ATP2C2: variants seen among roughly 807,000 people sequenced by gnomAD.
The protein encoded by ATP2C2 is calcium-transporting ATPase type 2C member 2.
In ATP2C2, 171 loss-of-function variants were observed where a neutral mutation model predicts 110.8. The observed-to-expected ratio is 1.54, with a 90% CI of 1.36 to 1.75. The LOEUF (loss-of-function observed/expected upper bound fraction) is 1.75, where lower values mean the gene tolerates loss of function less well. Ranked by LOEUF, ATP2C2 falls within the 40% of genes most tolerant of loss-of-function variation. The pLI is 0.00. For synonymous variants in ATP2C2, 804 were observed against 508.4 expected, an observed-to-expected ratio of 1.58 and a Z score of -7.82; for missense variants, 1,963 against 1,235.0, an observed-to-expected ratio of 1.59 and a Z score of -8.84.
chr16:84,376,425 C>G (rs1424117683), intron 1 of ATP2C2, among the ~76,000 whole-genome samples: 1 of 152,204 alleles, frequency 6.6e-6, no homozygotes, highest in Non-Finnish European at 1.5e-5. Context: ...GGGATTACTA[C>G]TGGGTGAGTG....
intron 1 of ATP2C2, among the ~76,000 whole-genome samples, chr16:84,378,328 C>T (rs776458282): frequency 3.9e-5 from 6 of 152,144 alleles, no homozygotes; most frequent in South Asian, 4.1e-4. Context: ...GCCCCTCCGT[C>T]GCCGGCCACA....
Position 84,404,062 on chromosome 16 carries a change from C to T in ATP2C2, c.211-1066C>T, listed in dbSNP as rs1035962900. ...AGGTAATGGGGGAAGGGGCGCAGGG[C>T]TTCCATGCCCAATGCTGCTATGAAC... is the stretch of plus-strand genomic sequence containing the variant. On this transcript the variant is annotated intron_variant, in intron 2 of 26. Transcript: ENST00000262429. 3.9e-5 allele frequency among the ~76,000 whole-genome samples: 6 copies of T among 152,330 alleles called. No homozygotes were observed. The East Asian group carries it at 9.7e-4, about 25-fold the overall frequency.
intron 11 of ATP2C2, among the ~76,000 whole-genome samples, chr16:84,437,069 T>G (rs1460894638): frequency 6.6e-6 from 1 of 152,134 alleles, no homozygotes; most frequent in Admixed American, 6.5e-5. Flanking sequence ...GCCTTTTTCT[T>G]TCTTAAACAG....
intron 1 of ATP2C2, among the ~76,000 whole-genome samples, chr16:84,394,321 A>G (rs144067614): frequency 3.9e-5 from 6 of 152,258 alleles, no homozygotes; most frequent in Non-Finnish European, 7.3e-5. Context: ...GTTCTGAAAC[A>G]TTTGAAAGAA....
intron 15 of ATP2C2, among the ~76,000 whole-genome samples, chr16:84,443,874 C>A (rs189472243): frequency 3.2e-4 from 49 of 152,240 alleles, no homozygotes; most frequent in Admixed American, 3.2e-3. Context: ...AGTGTAAGAA[C>A]ATTGGAAAGT....
At chr16:84,394,374 A>C (rs939866300) in intron 1 of ATP2C2, among the ~76,000 whole-genome samples, 1 of 151,948 alleles carries the variant, frequency 6.6e-6, no homozygotes, top group Admixed American at 6.6e-5. Flanking sequence ...CCCCTTCCCC[A>C]GTCCCAGTCT....
chr16:84,424,588 T>TG (rs1197918904), intron 10 of ATP2C2, among the ~76,000 whole-genome samples: 1 of 147,984 alleles, frequency 6.8e-6, no homozygotes, highest in Non-Finnish European at 1.5e-5. Context: ...TTTTTTTTTT[T>TG]TTTTTTTTTT....
Position 84,439,291 on chromosome 16 carries a change from G to A in ATP2C2, c.1111+1G>A. Reference sequence around the variant, plus strand: ...AAGTTACCCATCGTGGAGACTTTAGGTGAGGGACTCCAGCTGGTGGAATCC... The same window carrying A: ...AAGTTACCCATCGTGGAGACTTTAGATGAGGGACTCCAGCTGGTGGAATCC... On this transcript the variant is annotated splice_donor_variant, in intron 12 of 26. Coordinates refer to ENST00000262429, the MANE Select transcript of ATP2C2 (RefSeq NM_014861.4). LOFTEE classifies it high-confidence loss of function. The A allele has an allele frequency of 1.9e-6, 3 of 1,613,140 alleles. No individual in the cohort carries two copies. Among genetic ancestry groups the A allele is most frequent in the Non-Finnish European group, 2.5e-6 (3 of 1,180,032 alleles).
At chr16:84,398,649 G>A (rs569268651) in intron 2 of ATP2C2, 40 bp downstream of exon 2, 1 of 1,501,520 alleles carries the variant, frequency 6.7e-7, no homozygotes, top group South Asian at 1.2e-5. Flanking sequence ...TTGTGATAAG[G>A]TTTTATGTTT....
chr16:84,458,868 G>A (rs1249089054), intron 21 of ATP2C2, among the ~76,000 whole-genome samples: 2 of 152,316 alleles, frequency 1.3e-5, no homozygotes, highest in East Asian at 3.9e-4. Flanking sequence ...CTGATTGGAG[G>A]CATCAGGTGT....
intron 20 of ATP2C2, 152 bp from the exon 21 acceptor site, chr16:84,454,666 C>A: frequency 1.3e-6 from 1 of 782,364 alleles, no homozygotes; most frequent in Non-Finnish European, 1.9e-6. Context: ...AAGGGCTCGC[C>A]CAATTCCCAC....
At chr16:84,404,405 T>C (rs557848154) in intron 2 of ATP2C2, 15 of 156,992 alleles carry the variant, frequency 9.6e-5, no homozygotes, top group Non-Finnish European at 1.7e-4. Flanking sequence ...TGAATTTGAC[T>C]AGTCTATGTA....
intron 6 of ATP2C2, among the ~76,000 whole-genome samples, chr16:84,411,725 A>G (rs1261357229): frequency 6.6e-6 from 1 of 152,192 alleles, no homozygotes; most frequent in Non-Finnish European, 1.5e-5. Context: ...TACAGGTGTG[A>G]GCCACCGTGC....
In ATP2C2 at chr16:84,461,601, G is replaced by C. The variant is rs540084916; in HGVS notation, c.2482-113G>C. ...AGCTGTGTGACCGATTCATGAGCTT[G>C]TAAGTGGCTCCCAGCCATGCCCCAG... On this transcript the variant is annotated intron_variant, in intron 24 of 26. Coordinates refer to ENST00000262429, the MANE Select transcript of ATP2C2 (RefSeq NM_014861.4). 11 of 924,178 alleles carry C rather than the reference G, an allele frequency of 1.2e-5. No individual in the cohort carries two copies. The South Asian group carries it at 1.4e-4, about 12-fold the overall frequency. 57.2% of individuals were successfully genotyped at this position (924,178 alleles called of 1,614,324 possible).
At chr16:84,441,005 C>T (rs777723320) in intron 14 of ATP2C2, 47 bp downstream of exon 14, 30 of 1,443,590 alleles carry the variant, frequency 2.1e-5, no homozygotes, top group East Asian at 6.9e-5. Flanking sequence ...TACATTGAGG[C>T]TTCTGGGGCT....
intron 2 of ATP2C2, among the ~76,000 whole-genome samples, chr16:84,400,247 C>A (rs551255260): frequency 1.3e-5 from 2 of 152,114 alleles, no homozygotes; most frequent in Non-Finnish European, 2.9e-5. Flanking sequence ...GATATCTCTT[C>A]AATATTCTGA....
At chr16:84,389,905 TAG>T (rs1199206208) in intron 1 of ATP2C2, among the ~76,000 whole-genome samples, 2 of 152,106 alleles carry the variant, frequency 1.3e-5, no homozygotes, top group East Asian at 3.9e-4. Context: ...GTATTTTTAG[TAG>T]AGACAGGGTT....
chr16:84,386,731 C>T (rs1453688032), intron 1 of ATP2C2, among the ~76,000 whole-genome samples: 6 of 152,002 alleles, frequency 3.9e-5, no homozygotes, highest in African/African-American at 9.7e-5. Flanking sequence ...CCCTTCCTCA[C>T]ATCAATGCTA....
chr16:84,405,579 C>G (rs1280820784), intron 3 of ATP2C2, among the ~76,000 whole-genome samples: 1 of 152,142 alleles, frequency 6.6e-6, no homozygotes, highest in Non-Finnish European at 1.5e-5. Context: ...AAAGATTTCC[C>G]CAGAGTTGCC....
Sources: gnomAD v4.1 joint callset for allele counts (sites outside exome capture counted in the v4.1 genomes callset) on GRCh38, gnomAD v4.1.1 for gene constraint, MANE v1.5 for transcripts, NCBI Gene and HGNC (gene_info 2026-07-23, HGNC 2026-07-21) for gene names.